Variants in TUSC3 observed in about 807,000 individuals in gnomAD.
TUSC3 encodes tumor suppressor candidate 3, also known as dolichyl-diphosphooligosaccharide--protein glycosyltransferase subunit TUSC3.
A neutral mutation model predicts 44.8 loss-of-function variants in TUSC3; 45 were observed. The ratio of observed to expected loss-of-function variants is 1.00; its 90% confidence interval spans 0.79 to 1.29. The LOEUF is 1.29. TUSC3 is among the 50% of genes most tolerant of loss of function. The pLI, the probability that TUSC3 is intolerant of heterozygous loss-of-function variation, is 0.00. For synonymous variants in TUSC3, 212 were observed against 152.9 expected (o/e 1.39, Z -2.85); for missense variants, 519 against 437.9 (o/e 1.19, Z -1.65).
At chr8:15,704,240 G>A (rs1397016809) in intron 6 of TUSC3, among the ~76,000 whole-genome samples, 1 of 142,778 alleles carries the variant, frequency 7.0e-6, no homozygotes, top group Non-Finnish European at 1.5e-5. Flanking sequence ...CCCCAAAATG[G>A]AAACATTCTT....
chr8:15,573,229 T>TATA (rs1802959262), intron 1 of TUSC3, among the ~76,000 whole-genome samples: 2 of 124,104 alleles, frequency 1.6e-5, no homozygotes, highest in African/African-American at 6.4e-5. Flanking sequence ...TATATATATA[T>TATA]AAAAGTTTTT....
intron 1 of TUSC3, among the ~76,000 whole-genome samples, chr8:15,618,451 A>G (rs1805093505): frequency 6.6e-6 from 1 of 152,158 alleles, no homozygotes; most frequent in African/African-American, 2.4e-5. Context: ...TTGAAAACTA[A>G]GACACACATA....
At chr8:15,728,411 A>T (rs1810586591) in intron 6 of TUSC3, among the ~76,000 whole-genome samples, 1 of 150,512 alleles carries the variant, frequency 6.6e-6, no homozygotes, top group African/African-American at 2.4e-5. Flanking sequence ...ATGGATTTTG[A>T]AAGTAGAGCC....
chr8:15,591,494 T>C lies in TUSC3; in HGVS notation c.139-31586T>C, dbSNP rs1423126884. Among the ~76,000 whole-genome samples the C allele has an allele frequency of 3.3e-5, 5 of 152,318 alleles. No individual in the cohort carries two copies. In the East Asian group the frequency reaches 9.7e-4, roughly 29 times the overall value. On this transcript the variant is annotated intron_variant, in intron 1 of 10. Coordinates refer to ENST00000503731, the MANE Select transcript of TUSC3 (RefSeq NM_006765.4). The stretch of plus-strand genomic sequence containing the variant: ...CTCTGGAGAAATATTATGAGCAAGA[T>C]GTGAATATTTCTTGTCAATGGTAAT...
At chr8:15,540,014 AG>A (rs1424622128), upstream of TUSC3, among the ~76,000 whole-genome samples, 1 of 152,168 alleles carries the variant, frequency 6.6e-6, no homozygotes, top group Non-Finnish European at 1.5e-5. Flanking sequence ...GAAGGCATTC[AG>A]GTCTTTCTGT....
intron 2 of TUSC3, among the ~76,000 whole-genome samples, chr8:15,636,644 A>G (rs925160907): frequency 6.6e-6 from 1 of 152,302 alleles, no homozygotes; most frequent in African/African-American, 2.4e-5. Context: ...TGTGTCCCCA[A>G]AGATACGGGG....
At chr8:15,741,798 C>G (rs1215377715) in intron 7 of TUSC3, among the ~76,000 whole-genome samples, 1 of 151,732 alleles carries the variant, frequency 6.6e-6, no homozygotes, top group Non-Finnish European at 1.5e-5. Context: ...TTTATACATG[C>G]ATATAAAAGA....
intron 2 of TUSC3, among the ~76,000 whole-genome samples, chr8:15,503,369 T>C (rs1489622832): frequency 6.6e-6 from 1 of 152,146 alleles, no homozygotes; most frequent in Non-Finnish European, 1.5e-5. Flanking sequence ...AGCCACCCCG[T>C]CTGTGGCACT....
chr8:15,544,306 A>T lies in TUSC3; in HGVS notation c.138+3738A>T, dbSNP rs1463899726. Among the ~76,000 whole-genome samples, 2 of 146,548 alleles carry T rather than the reference A, an allele frequency of 1.4e-5. 1 individual carries two copies. The highest frequency in any genetic ancestry group is 3.1e-5 in the Non-Finnish European group (2 of 64,888). ...GCTTCATTTAGAATTGTTTTAATTT[A>T]TAATGACCTCTTCTGATAATGTGAA... On this transcript the variant is annotated intron_variant, in intron 1 of 10. Coordinates refer to ENST00000503731, the MANE Select transcript of TUSC3 (RefSeq NM_006765.4).
At position 15,623,226 on chromosome 8, in the gene TUSC3, T is replaced by G; in HGVS notation, c.285T>G (p.Pro95=). The change falls in exon 2 of 11, where the codon CCT becomes CCG. Residue 95 remains proline, a synonymous_variant. Coordinates refer to ENST00000503731, the MANE Select transcript of TUSC3 (RefSeq NM_006765.4). ...SMIVMFTALQ[P]QRQCSVCRQA... ...TTGTTATGTTCACTGCTCTTCAGCC[T>G]CAGCGGCAGTGTTCTGTGTGCAGGT... 1 of 1,609,586 alleles carries G rather than the reference T, an allele frequency of 6.2e-7. No homozygotes were observed. Among genetic ancestry groups the G allele is most frequent in the Non-Finnish European group, 8.5e-7 (1 of 1,177,838 alleles).
intron 2 of TUSC3, among the ~76,000 whole-genome samples, chr8:15,515,514 C>G (rs530157253): frequency 3.4e-4 from 52 of 152,164 alleles, no homozygotes; most frequent in African/African-American, 1.3e-3. Context: ...GCAAATTTTC[C>G]TTGGTTCATT....
chr8:15,521,164 C>G (rs1801292291), intron 2 of TUSC3, among the ~76,000 whole-genome samples: 1 of 152,156 alleles, frequency 6.6e-6, no homozygotes, highest in Non-Finnish European at 1.5e-5. Flanking sequence ...AGCTAATTTT[C>G]TGGCTCTTTG....
chr8:15,601,645 T>G (rs967060923), intron 1 of TUSC3, among the ~76,000 whole-genome samples: 2 of 151,734 alleles, frequency 1.3e-5, no homozygotes, highest in Admixed American at 6.6e-5. Flanking sequence ...TTATAAAATC[T>G]ATTCTGTAGC....
At chr8:15,719,386 CT>C (rs1165837367) in intron 6 of TUSC3, among the ~76,000 whole-genome samples, 1 of 151,842 alleles carries the variant, frequency 6.6e-6, no homozygotes, top group African/African-American at 2.4e-5. Flanking sequence ...TCCTGACCTT[CT>C]TCCTATTTAA....
chr8:15,781,713 A>C, the TUSC3 span, among the ~76,000 whole-genome samples: 1 of 152,238 alleles, frequency 6.6e-6, no homozygotes, highest in Non-Finnish European at 1.5e-5. Context: ...GAATTCCATG[A>C]AACGTTCAAA....
intron 1 of TUSC3, among the ~76,000 whole-genome samples, chr8:15,458,155 C>G (rs999035889): frequency 2.0e-5 from 3 of 151,974 alleles, no homozygotes; most frequent in African/African-American, 4.8e-5. Context: ...AGGAAGGTGA[C>G]GAGATGGGTT....
intron 1 of TUSC3, among the ~76,000 whole-genome samples, chr8:15,548,226 G>C (rs1219263192): frequency 6.6e-6 from 1 of 151,774 alleles, no homozygotes; most frequent in Non-Finnish European, 1.5e-5. Flanking sequence ...TGATGGTTGT[G>C]ACAAACTATT....
chr8:15,502,092 C>T (rs371090083), intron 2 of TUSC3, among the ~76,000 whole-genome samples: 1 of 152,152 alleles, frequency 6.6e-6, no homozygotes, highest in Non-Finnish European at 1.5e-5. Flanking sequence ...ATTCAATATA[C>T]TTATGCTATA....
chr8:15,437,772 T>C lies in TUSC3; in HGVS notation n.91+20467T>C, dbSNP rs546206768. On this transcript the variant is annotated intron_variant and non_coding_transcript_variant, in intron 1 of 5. Transcript: ENST00000503191. ...TTGTTTGCTCATGGAAACCAGGATCTATACCTCGAGTTTCAGATTTTCTCC... is the reference window on the plus strand; with the variant it reads ...TTGTTTGCTCATGGAAACCAGGATCCATACCTCGAGTTTCAGATTTTCTCC... 6.6e-5 allele frequency among the ~76,000 whole-genome samples: 10 copies of C among 152,326 alleles called. No individual in the cohort carries two copies. In the South Asian group the frequency reaches 1.2e-3, roughly 19 times the overall value.
Sources: gnomAD v4.1 joint callset for allele counts (sites outside exome capture counted in the v4.1 genomes callset) on GRCh38, gnomAD v4.1.1 for gene constraint, MANE v1.5 for transcripts, NCBI Gene and HGNC (gene_info 2026-07-23, HGNC 2026-07-21) for gene names.